NKAIN2: variants seen among roughly 807,000 people sequenced by gnomAD.
NKAIN2 encodes sodium/potassium-transporting ATPase subunit beta-1-interacting protein 2.
NKAIN2 carries 14 observed loss-of-function variants against 32.6 expected under a neutral mutation model. The ratio of observed to expected loss-of-function variants is 0.43; its 90% CI spans 0.28 to 0.67. NKAIN2 has a LOEUF of 0.67. Among genes scored for constraint, NKAIN2 ranks in the 30% least tolerant of loss-of-function variants. The pLI, the probability that NKAIN2 is intolerant of heterozygous loss-of-function variation, is 0.17. For missense variants in NKAIN2, 198 were observed against 258.3 expected, an observed-to-expected ratio of 0.77 and a Z score of 1.60; for synonymous variants, 80 against 87.2, an observed-to-expected ratio of 0.92 and a Z score of 0.46.
At chr6:124,362,233 A>G (rs1056220761) in intron 3 of NKAIN2, among the ~76,000 whole-genome samples, 7 of 152,074 alleles carry the variant, frequency 4.6e-5, no homozygotes, top group Non-Finnish European at 1.0e-4. Flanking sequence ...CTATTACTAA[A>G]GTAATTAGAA....
intron 1 of NKAIN2, among the ~76,000 whole-genome samples, chr6:124,068,396 G>A (rs1041811737): frequency 2.6e-5 from 4 of 151,810 alleles, no homozygotes; most frequent in Non-Finnish European, 5.9e-5. Context: ...ATGATTATAT[G>A]ACTTTTTTTT....
chr6:124,331,528 C>CAAA (rs764118499), intron 2 of NKAIN2, among the ~76,000 whole-genome samples: 7 of 66,888 alleles, frequency 1.0e-4, no homozygotes, highest in East Asian at 4.7e-4. Flanking sequence ...GACTCCGTCT[C>CAAA]AAAAAAAAAA....
intron 3 of NKAIN2, among the ~76,000 whole-genome samples, chr6:124,420,202 A>C (rs1224714410): frequency 6.6e-6 from 1 of 152,092 alleles, no homozygotes; most frequent in East Asian, 1.9e-4. Context: ...TGTGGGCATT[A>C]ATGCATTATG....
chr6:124,625,961 A>ACTT (rs1022281229), intron 3 of NKAIN2, among the ~76,000 whole-genome samples: 1 of 146,918 alleles, frequency 6.8e-6, no homozygotes, highest in African/African-American at 2.7e-5. Context: ...TTATTATTAT[A>ACTT]CTTTAAGTTT....
At chr6:124,669,234 A>G (rs781474) in intron 4 of NKAIN2, among the ~76,000 whole-genome samples, 71,354 of 151,920 alleles carry the variant, frequency 0.47, 17,397 homozygotes, top group Admixed American at 0.54. Context: ...TCAACTGCTT[A>G]GAGTTAGAAA....
rs1777642279 is a variant in NKAIN2 at position 124,486,195 on chromosome 6, A to G, written c.273+130848A>G. Among the ~76,000 whole-genome samples, 2 of 152,182 alleles carry G rather than the reference A, an allele frequency of 1.3e-5. 1 individual carries two copies. The highest frequency in any genetic ancestry group is 4.1e-4 in the South Asian group (2 of 4,838). On this transcript the variant is annotated intron_variant, in intron 3 of 6. Coordinates refer to ENST00000368417, the MANE Select transcript of NKAIN2 (RefSeq NM_001040214.3). ...AAGGAGAATGCTGTGTTTTTTCTAA[A>G]ACTCTTGTTGGCTGAAAGAAACGTG...
intron 3 of NKAIN2, among the ~76,000 whole-genome samples, chr6:124,544,996 C>T (rs1293217804): frequency 6.6e-6 from 1 of 152,094 alleles, no homozygotes; most frequent in Non-Finnish European, 1.5e-5. Flanking sequence ...TGATTCTTCT[C>T]TGGGCAGTGA....
At chr6:124,460,230 A>G (rs1450153399) in intron 3 of NKAIN2, among the ~76,000 whole-genome samples, 1 of 151,568 alleles carries the variant, frequency 6.6e-6, no homozygotes, top group African/African-American at 2.4e-5. Context: ...TTATGTTACT[A>G]TTTAGTTTTC....
intron 1 of NKAIN2, among the ~76,000 whole-genome samples, chr6:123,882,984 C>T (rs776374452): frequency 6.6e-6 from 1 of 151,332 alleles, no homozygotes; most frequent in African/African-American, 2.4e-5. Context: ...TGTGTGTGTA[C>T]GTACATGTGT....
intron 4 of NKAIN2, among the ~76,000 whole-genome samples, chr6:124,663,616 C>CATCA (rs1320715810): frequency 6.6e-6 from 1 of 152,040 alleles, no homozygotes; most frequent in East Asian, 1.9e-4. Flanking sequence ...TTATTATATA[C>CATCA]ATCAGTTTGA....
At chr6:124,046,537 C>A (rs1475964641) in intron 1 of NKAIN2, among the ~76,000 whole-genome samples, 2 of 151,894 alleles carry the variant, frequency 1.3e-5, no homozygotes, top group Non-Finnish European at 2.9e-5. Flanking sequence ...CTGTATAAGC[C>A]TTTTTAACAT....
chr6:124,308,005 A>G (rs1399613987), intron 2 of NKAIN2, among the ~76,000 whole-genome samples: 4 of 152,280 alleles, frequency 2.6e-5, no homozygotes, highest in African/African-American at 9.6e-5. Context: ...TTAAGTTCTC[A>G]GATACATGTG....
In NKAIN2 at chr6:123,978,953, C is replaced by T. The variant is rs193006919; in HGVS notation, c.54+174699C>T. On this transcript the variant is annotated intron_variant, in intron 1 of 6. Transcript: ENST00000368417. ...TGATTAGGACATTACCCTGTAGTTTCGGAGATCATTGCATTTAAGAAAGGG... is the reference window on the plus strand; with the variant it reads ...TGATTAGGACATTACCCTGTAGTTTTGGAGATCATTGCATTTAAGAAAGGG... 2.5e-4 allele frequency among the ~76,000 whole-genome samples: 38 copies of T among 152,162 alleles called. No individual in the cohort carries two copies. In the East Asian group the frequency reaches 5.0e-3, roughly 20 times the overall value.
rs76421359 is a variant in NKAIN2, at chr6:123,892,162, A to G, written c.54+87908A>G. ...AGTGAGGGCTCCATTACACCTGAAC[A>G]CAGGCAGGTCAAACTGCATTACATA... On this transcript the variant is annotated intron_variant, in intron 1 of 6. Transcript: ENST00000368417. 0.01 allele frequency among the ~76,000 whole-genome samples: 1,555 copies of G among 152,324 alleles called. 38 individuals carry two copies. The East Asian group carries it at 0.11, about 11-fold the overall frequency.
chr6:123,832,817 T>C (rs1038332999), intron 1 of NKAIN2, among the ~76,000 whole-genome samples: 2 of 152,224 alleles, frequency 1.3e-5, no homozygotes, highest in African/African-American at 4.8e-5. Flanking sequence ...TTTTAAATTA[T>C]GTTGTTTGTT....
intron 3 of NKAIN2, among the ~76,000 whole-genome samples, chr6:124,629,576 C>T (rs540118213): frequency 6.6e-6 from 1 of 152,104 alleles, no homozygotes; most frequent in African/African-American, 2.4e-5. Context: ...AAAATAAGTG[C>T]TTTTGAGCTT....
chr6:124,141,926 A>C (rs1056430028), intron 1 of NKAIN2, among the ~76,000 whole-genome samples: 8 of 152,066 alleles, frequency 5.3e-5, no homozygotes, highest in African/African-American at 1.9e-4. Flanking sequence ...CCTGTTGTTC[A>C]TTGGTTTGTA....
chr6:124,070,955 G>T (rs989441195), intron 1 of NKAIN2, among the ~76,000 whole-genome samples: 1 of 152,140 alleles, frequency 6.6e-6, no homozygotes, highest in African/African-American at 2.4e-5. Flanking sequence ...ATTGTATAAA[G>T]AATTATACAC....
intron 1 of NKAIN2, among the ~76,000 whole-genome samples, chr6:123,855,927 A>G (rs1775539160): frequency 6.6e-6 from 1 of 152,220 alleles, no homozygotes; most frequent in Non-Finnish European, 1.5e-5. Flanking sequence ...AGTTTTAGCA[A>G]TTATCAGGGT....
Sources: allele counts gnomAD v4.1 joint callset (sites outside exome capture counted in the v4.1 genomes callset), GRCh38; gene constraint gnomAD v4.1.1; transcripts MANE v1.5; gene names NCBI Gene and HGNC (gene_info 2026-07-23, HGNC 2026-07-21).